Variants in TRMT11 observed in about 807,000 individuals in gnomAD.
TRMT11 encodes the protein tRNA methyltransferase 11.
Under a neutral mutation model 62.8 loss-of-function variants are expected in TRMT11, and 53 were observed. The observed-to-expected ratio is 0.84, with a 90% CI of 0.68 to 1.06. TRMT11 has a LOEUF of 1.06. Among genes scored for constraint, TRMT11 ranks in the 50% least tolerant of loss-of-function variants. The pLI is 0.00. For missense variants in TRMT11, 556 were observed against 553.4 expected, an observed-to-expected ratio of 1.00 and a Z score of -0.05; for synonymous variants, 188 against 190.3, an observed-to-expected ratio of 0.99 and a Z score of 0.10.
At chr6:126,112,665 G>A (rs1265430361) in intron 17 of TRMT11, among the ~76,000 whole-genome samples, 1 of 152,050 alleles carries the variant, frequency 6.6e-6, no homozygotes, top group Non-Finnish European at 1.5e-5. Flanking sequence ...TAATTATCCT[G>A]CATTTTTGCT....
chr6:126,243,556 C>G, the TRMT11 span, among the ~76,000 whole-genome samples: 1 of 152,094 alleles, frequency 6.6e-6, no homozygotes, highest in Non-Finnish European at 1.5e-5. Context: ...CAATGATAGA[C>G]TGGATTAAGA....
intron 21 of TRMT11, among the ~76,000 whole-genome samples, chr6:126,124,621 G>A (rs950508766): frequency 6.6e-5 from 10 of 152,012 alleles, no homozygotes; most frequent in Non-Finnish European, 1.3e-4. Context: ...GTTCTCTCAG[G>A]CCTGTCACTG....
chr6:126,032,396 C>T (rs1774362529), intron 12 of TRMT11, among the ~76,000 whole-genome samples: 1 of 152,170 alleles, frequency 6.6e-6, no homozygotes, highest in Non-Finnish European at 1.5e-5. Context: ...GCCACCTTCC[C>T]TTTTGCTTAC....
chr6:126,196,701 A>T (rs1778669935), intron 1 of TRMT11, among the ~76,000 whole-genome samples: 1 of 152,108 alleles, frequency 6.6e-6, no homozygotes, highest in African/African-American at 2.4e-5. Flanking sequence ...TCATTAGAAT[A>T]GCTGTGAGGA....
intron 21 of TRMT11, among the ~76,000 whole-genome samples, chr6:126,135,039 TA>T (rs999833557): frequency 3.7e-4 from 56 of 151,188 alleles, no homozygotes; most frequent in Middle Eastern, 3.4e-3. Context: ...ATCCAAATAA[TA>T]AAAAAAATTT....
At chr6:126,000,590 C>T (rs918313040) in intron 7 of TRMT11, among the ~76,000 whole-genome samples, 28 of 152,228 alleles carry the variant, frequency 1.8e-4, no homozygotes, top group African/African-American at 6.3e-4. Context: ...AGTCCAACTC[C>T]AGAGCTCATG....
intron 17 of TRMT11, among the ~76,000 whole-genome samples, chr6:126,054,889 C>A (rs905249811): frequency 7.9e-5 from 12 of 152,222 alleles, no homozygotes; most frequent in African/African-American, 2.9e-4. Flanking sequence ...GAACTCCCAA[C>A]ACGTCTCTTT....
At chr6:126,052,258 G>A (rs550569098) in intron 16 of TRMT11, among the ~76,000 whole-genome samples, 37 of 152,224 alleles carry the variant, frequency 2.4e-4, no homozygotes, top group African/African-American at 8.7e-4. Flanking sequence ...ATAAGCTGTT[G>A]TTAGTTGTCT....
chr6:126,120,049 C>T (rs1403104708), intron 21 of TRMT11, among the ~76,000 whole-genome samples: 6 of 151,854 alleles, frequency 4.0e-5, no homozygotes, highest in African/African-American at 1.2e-4. Flanking sequence ...TGAGGTGGGC[C>T]GATCATCTGA....
At chr6:126,066,211 G>T (rs553259040) in intron 17 of TRMT11, among the ~76,000 whole-genome samples, 11 of 152,356 alleles carry the variant, frequency 7.2e-5, no homozygotes, top group African/African-American at 2.6e-4. Flanking sequence ...GCTGGATCCT[G>T]TGGGGTCAGA....
At position 126,099,604 on chromosome 6, in the gene TRMT11, A is replaced by G. The variant is rs148803066; in HGVS notation, c.*1438-13262A>G. On this transcript the variant is annotated intron_variant and NMD_transcript_variant, in intron 17 of 22. Transcript: ENST00000648977. ...TCTACTAAAAATTCAAAAATTAGCC[A>G]GGCATGCTGGCAGCCACCTGTAATC... Among the ~76,000 whole-genome samples, 1,359 of 152,228 alleles carry G rather than the reference A, an allele frequency of 8.9e-3. 16 individuals are homozygous for G. Among genetic ancestry groups the G allele is most frequent in the African/African-American group, 0.031 (1,308 of 41,532 alleles).
intron 21 of TRMT11, among the ~76,000 whole-genome samples, chr6:126,117,848 G>A (rs1456177359): frequency 6.6e-6 from 1 of 152,080 alleles, no homozygotes; most frequent in Non-Finnish European, 1.5e-5. Flanking sequence ...CTTATTAACT[G>A]CGTGACCATA....
intron 17 of TRMT11, among the ~76,000 whole-genome samples, chr6:126,079,783 T>C (rs1044861385): frequency 1.3e-5 from 2 of 152,084 alleles, no homozygotes; most frequent in Non-Finnish European, 2.9e-5. Flanking sequence ...ATCACCAGCA[T>C]CCTTGCAAAG....
intron 16 of TRMT11, among the ~76,000 whole-genome samples, chr6:126,046,245 A>T (rs1303576054): frequency 6.6e-6 from 1 of 152,142 alleles, no homozygotes; most frequent in African/African-American, 2.4e-5. Context: ...GAAAAATGTC[A>T]ATGTAAGTCA....
At chr6:126,008,774 T>A in intron 8 of TRMT11, 1 of 544,654 alleles carries the variant, frequency 1.8e-6, no homozygotes, top group Admixed American at 2.2e-5. Flanking sequence ...TGTTAGTAGT[T>A]AAGTTCTGGG....
chr6:126,108,371 T>A, intron 17 of TRMT11, among the ~76,000 whole-genome samples: 1 of 152,378 alleles, frequency 6.6e-6, no homozygotes, highest in East Asian at 1.9e-4. Context: ...TAGTGCCAAC[T>A]TATTTATGAA....
chr6:126,066,789 T>C (rs905481138), intron 17 of TRMT11, among the ~76,000 whole-genome samples: 1 of 152,002 alleles, frequency 6.6e-6, no homozygotes, highest in Non-Finnish European at 1.5e-5. Flanking sequence ...GGCTTATCAG[T>C]GATGAGGCTT....
Position 126,012,870 on chromosome 6 carries a change from A to G in TRMT11, c.1007+18A>G. 6.2e-7 allele frequency: 1 copy of G among 1,610,962 alleles called. No homozygotes were observed. Among genetic ancestry groups the G allele is most frequent in the East Asian group, 2.2e-5 (1 of 44,862 alleles). On this transcript the variant is annotated intron_variant, in intron 10 of 12. Coordinates refer to ENST00000334379, the MANE Select transcript of TRMT11 (RefSeq NM_001031712.3). Reference sequence around the variant, plus strand: ...GAAAAATGGTAAGTGAAATTTAAATATGATGTGTTACTACCTTGAGAAGAG... The same window carrying G: ...GAAAAATGGTAAGTGAAATTTAAATGTGATGTGTTACTACCTTGAGAAGAG...
At chr6:126,004,902 T>C (rs1374941335) in intron 7 of TRMT11, among the ~76,000 whole-genome samples, 1 of 152,102 alleles carries the variant, frequency 6.6e-6, no homozygotes, top group East Asian at 1.9e-4. Flanking sequence ...GCTACTGTTG[T>C]TTAGAATGAC....
Sources: allele counts gnomAD v4.1 joint callset (sites outside exome capture counted in the v4.1 genomes callset), GRCh38; gene constraint gnomAD v4.1.1; transcripts MANE v1.5; gene names NCBI Gene and HGNC (gene_info 2026-07-23, HGNC 2026-07-21).